INPP4B: variants seen among roughly 807,000 people sequenced by gnomAD.
INPP4B encodes the protein inositol polyphosphate-4-phosphatase type II B.
In INPP4B, 55 loss-of-function variants were observed where a neutral mutation model predicts 122.5. The ratio of observed to expected loss-of-function variants is 0.45; its 90% confidence interval spans 0.36 to 0.56. The LOEUF is 0.56. Among genes scored for constraint, INPP4B ranks in the 20% least tolerant of loss-of-function variants. The pLI is 0.00. For synonymous variants in INPP4B, 403 were observed against 388.7 expected, an observed-to-expected ratio of 1.04 and a Z score of -0.43; for missense variants, 1,000 against 1,097.7, an observed-to-expected ratio of 0.91 and a Z score of 1.26.
At chr4:142,394,579 G>C (rs1264956378) in intron 7 of INPP4B, among the ~76,000 whole-genome samples, 2 of 152,134 alleles carry the variant, frequency 1.3e-5, no homozygotes, top group Non-Finnish European at 2.9e-5. Context: ...GTGATGATGA[G>C]CATTTTTTTA....
At chr4:142,818,021 A>T (rs1780330369) in intron 1 of INPP4B, among the ~76,000 whole-genome samples, 1 of 151,904 alleles carries the variant, frequency 6.6e-6, no homozygotes, top group Admixed American at 6.6e-5. Context: ...ATTGAGAGGA[A>T]GAAAACATTT....
intron 17 of INPP4B, among the ~76,000 whole-genome samples, chr4:142,148,165 T>A: frequency 6.6e-6 from 1 of 152,184 alleles, no homozygotes; most frequent in East Asian, 1.9e-4. Flanking sequence ...TTCCCCTCAA[T>A]TTTCCAGACT....
intron 7 of INPP4B, among the ~76,000 whole-genome samples, chr4:142,325,888 T>C (rs1040807692): frequency 6.6e-6 from 1 of 152,302 alleles, no homozygotes; most frequent in South Asian, 2.1e-4. Flanking sequence ...CACATTTTAT[T>C]CCACTTCCCT....
chr4:142,251,738 G>A (rs1217670545), intron 11 of INPP4B, among the ~76,000 whole-genome samples: 1 of 152,162 alleles, frequency 6.6e-6, no homozygotes, highest in Non-Finnish European at 1.5e-5. Context: ...TTATCTGTGT[G>A]TATAAACAGA....
At position 142,212,362 on chromosome 4, in the gene INPP4B, C is replaced by T. The variant is rs193073570; in HGVS notation, c.837-3336G>A. 8.5e-5 allele frequency among the ~76,000 whole-genome samples: 13 copies of T among 152,258 alleles called. No individual in the cohort carries two copies. The East Asian group carries it at 1.4e-3, about 16-fold the overall frequency. On this transcript the variant is annotated intron_variant, in intron 12 of 25. Transcript: ENST00000262992. ...CCTTTACCATTAATCCCAGATTTTCCGCCATACTCTACCAGCATTTCAGCT... is the reference window on the plus strand; with the variant it reads ...CCTTTACCATTAATCCCAGATTTTCTGCCATACTCTACCAGCATTTCAGCT...
At chr4:142,651,444 A>G (rs967196334) in intron 2 of INPP4B, among the ~76,000 whole-genome samples, 7 of 152,312 alleles carry the variant, frequency 4.6e-5, no homozygotes, top group Admixed American at 2.6e-4. Flanking sequence ...TGGATTTTTG[A>G]AAACATCAAC....
intron 25 of INPP4B, among the ~76,000 whole-genome samples, chr4:142,044,685 A>G (rs1236377632): frequency 6.6e-6 from 1 of 152,170 alleles, no homozygotes; most frequent in Non-Finnish European, 1.5e-5. Context: ...TGAAATGAGG[A>G]TGCTTGGAGG....
intron 1 of INPP4B, among the ~76,000 whole-genome samples, chr4:142,836,301 C>CAAG (rs72369870): frequency 6.6e-6 from 1 of 151,218 alleles, no homozygotes; most frequent in Non-Finnish European, 1.5e-5. Context: ...CAGAGAAAAT[C>CAAG]AAGAAGAAGA....
At chr4:142,290,112 G>C (rs1449069876) in intron 9 of INPP4B, among the ~76,000 whole-genome samples, 1 of 149,320 alleles carries the variant, frequency 6.7e-6, no homozygotes, top group African/African-American at 2.5e-5. Flanking sequence ...GCTTTACTCA[G>C]AGTAAAGGAT....
chr4:142,102,336 A>G (rs139010566), intron 23 of INPP4B, among the ~76,000 whole-genome samples: 1 of 152,196 alleles, frequency 6.6e-6, no homozygotes, highest in Non-Finnish European at 1.5e-5. Context: ...ACATGCACTC[A>G]CAGCTTTTAC....
intron 25 of INPP4B, among the ~76,000 whole-genome samples, chr4:142,080,355 A>G (rs1773261010): frequency 6.6e-6 from 1 of 152,144 alleles, no homozygotes; most frequent in Non-Finnish European, 1.5e-5. Context: ...TATTTTCTTT[A>G]AATACATGCA....
At chr4:142,029,450 G>T (rs1387907259) in intron 25 of INPP4B, 3 of 985,974 alleles carry the variant, frequency 3.0e-6, no homozygotes, top group Non-Finnish European at 3.6e-6. Context: ...TATAAAGGAA[G>T]AGTGCTTGTC....
chr4:142,322,114 CT>C (rs1770309624), intron 7 of INPP4B, among the ~76,000 whole-genome samples: 1 of 152,062 alleles, frequency 6.6e-6, no homozygotes, highest in Admixed American at 6.6e-5. Flanking sequence ...AGTCAAACAT[CT>C]AATAATAATT....
intron 14 of INPP4B, among the ~76,000 whole-genome samples, chr4:142,194,211 A>G (rs1837225201): frequency 6.6e-6 from 1 of 152,178 alleles, no homozygotes; most frequent in African/African-American, 2.4e-5. Flanking sequence ...AAAATGCAAG[A>G]TCACAAGAAA....
intron 3 of INPP4B, among the ~76,000 whole-genome samples, chr4:142,433,864 A>G (rs1809859561): frequency 6.6e-6 from 1 of 152,206 alleles, no homozygotes; most frequent in African/African-American, 2.4e-5. Flanking sequence ...ACAGTGTCAT[A>G]TACCAGAGTT....
At chr4:142,505,922 T>C (rs1466921260) in intron 2 of INPP4B, among the ~76,000 whole-genome samples, 1 of 152,116 alleles carries the variant, frequency 6.6e-6, no homozygotes. Flanking sequence ...ACTCAAAGAG[T>C]TGCTATTAGT....
intron 7 of INPP4B, among the ~76,000 whole-genome samples, chr4:142,378,646 G>C (rs1792905630): frequency 6.6e-6 from 1 of 152,108 alleles, no homozygotes; most frequent in Non-Finnish European, 1.5e-5. Context: ...ATATGTCTCT[G>C]AATATTAACA....
intron 11 of INPP4B, among the ~76,000 whole-genome samples, chr4:142,253,584 A>C (rs1168325752): frequency 6.6e-6 from 1 of 152,198 alleles, no homozygotes; most frequent in Non-Finnish European, 1.5e-5. Flanking sequence ...AGTCAAAGAA[A>C]GGGGTGACAG....
At position 142,475,002 on chromosome 4, in the gene INPP4B, G is replaced by A. The variant is rs116020373; in HGVS notation, c.-190-12276C>T. Reference sequence around the variant, plus strand: ...TTTCTAGACCAGCAGTTTTGCTTCCGTCTGCACTCTGTGGGCAGGTGCAAC... The same window carrying A: ...TTTCTAGACCAGCAGTTTTGCTTCCATCTGCACTCTGTGGGCAGGTGCAAC... On this transcript the variant is annotated intron_variant, in intron 2 of 25. Coordinates refer to ENST00000262992, the MANE Select transcript of INPP4B (RefSeq NM_001101669.3). Among the ~76,000 whole-genome samples the A allele has an allele frequency of 6.3e-3, 956 of 152,272 alleles. 14 individuals are homozygous for A. Among genetic ancestry groups the A allele is most frequent in the African/African-American group, 0.022 (902 of 41,552 alleles).
Sources: gnomAD v4.1 joint callset for allele counts (sites outside exome capture counted in the v4.1 genomes callset) on GRCh38, gnomAD v4.1.1 for gene constraint, MANE v1.5 for transcripts, NCBI Gene and HGNC (gene_info 2026-07-23, HGNC 2026-07-21) for gene names.